Variants in PCDHGB5 observed in about 807,000 individuals in gnomAD.
The protein encoded by PCDHGB5 is protocadherin gamma-B5.
Under a neutral mutation model 62.9 loss-of-function variants are expected in PCDHGB5, and 48 were observed. The observed-to-expected ratio is 0.76, with a 90% CI of 0.61 to 0.97. The LOEUF is 0.97. PCDHGB5 is among the 50% of genes least tolerant of loss of function. The pLI is 0.00. For synonymous variants in PCDHGB5, 474 were observed against 511.2 expected (o/e 0.93, Z 0.98); for missense variants, 1,118 against 1,198.6 (o/e 0.93, Z 0.99).
At chr5:141,410,914 C>T (rs1399369063) in intron 1 of PCDHGB5, 4 of 246,122 alleles carry the variant, frequency 1.6e-5, no homozygotes, top group Admixed American at 6.8e-5. Context: ...AGTGCAGTGG[C>T]GTGATCTCTG....
intron 1 of PCDHGB5, among the ~76,000 whole-genome samples, chr5:141,456,857 G>A (rs957526443): frequency 6.6e-5 from 10 of 152,234 alleles, no homozygotes; most frequent in African/African-American, 2.4e-4. Context: ...CAGCTAATTG[G>A]GAGGCTGAGG....
intron 1 of PCDHGB5, chr5:141,418,283 ATCAG>A: frequency 1.9e-6 from 3 of 1,613,996 alleles, no homozygotes; most frequent in Non-Finnish European, 2.5e-6. Context: ...AAACTTAGAA[ATCAG>A]TGAATCCGTC....
At position 141,398,955 on chromosome 5, in the gene PCDHGB5, A is replaced by G; in HGVS notation, c.828A>G (p.Glu276=). The G allele has an allele frequency of 3.7e-6, 6 of 1,613,966 alleles. No individual in the cohort carries two copies. The highest frequency in any genetic ancestry group is 5.1e-6 in the Non-Finnish European group (6 of 1,179,896). Residue 276 remains glutamate, a synonymous_variant, in exon 1 of 4, where the codon GAA becomes GAG. Transcript: ENST00000617380. ...ATDQDEGINS[E]ITYSFYRTGQ... ...ACCAAGACGAGGGCATCAACTCAGA[A>G]ATTACTTATTCCTTCTACAGAACCG...
At chr5:141,414,679 G>A in intron 1 of PCDHGB5, 1 of 1,613,960 alleles carries the variant, frequency 6.2e-7, no homozygotes. Flanking sequence ...CACCATCCAG[G>A]GGGTACCTCT....
Position 141,422,522 on chromosome 5 carries a change from C to T in PCDHGB5, c.2397+21998C>T, listed in dbSNP as rs767482856. On this transcript the variant is annotated intron_variant, in intron 1 of 3. Coordinates refer to ENST00000617380, the MANE Select transcript of PCDHGB5 (RefSeq NM_018925.3). Reference sequence around the variant, plus strand: ...ACAGCCACAGACCAGGGAAGCCCGCCTTTGTCTGCAGAAACTCATGTCTGG... The same window carrying T: ...ACAGCCACAGACCAGGGAAGCCCGCTTTTGTCTGCAGAAACTCATGTCTGG... 11 of 1,614,014 alleles carry T rather than the reference C, an allele frequency of 6.8e-6. No homozygotes were observed. In the South Asian group the frequency reaches 1.1e-4, roughly 16 times the overall value.
At chr5:141,430,931 G>C (rs781580216) in intron 1 of PCDHGB5, 2 of 1,607,530 alleles carry the variant, frequency 1.2e-6, no homozygotes, top group Admixed American at 1.7e-5. Flanking sequence ...GGAGCCCCGG[G>C]AGCTCGCGGA....
rs1310227506 is a variant in PCDHGB5, at chr5:141,432,214, CCAGATCACTTATTCCCTGG to C, written c.2397+31692_2397+31710del. ...ACGACCCCGACTGTGAAGAGAACGC[CCAGATCACTTATTCCCTGG>C]CTGAGAACACCATCCAAGGGGCAAG... is the stretch of plus-strand genomic sequence containing the variant. On this transcript the variant is annotated intron_variant, in intron 1 of 3. Transcript: ENST00000617380. This position sits in a 1 kb window ranked among gnomAD's most constrained non-coding sequence, Gnocchi z 6.0. 3.1e-6 allele frequency: 5 copies of C among 1,614,236 alleles called. No homozygotes were observed. The highest frequency in any genetic ancestry group is 4.2e-6 in the Non-Finnish European group (5 of 1,180,050).
chr5:141,510,813 C>G, intron 3 of PCDHGB5, 134 bp from the exon 4 acceptor site: 2 of 1,537,024 alleles, frequency 1.3e-6, no homozygotes, highest in Non-Finnish European at 1.8e-6. Context: ...CTTGGTGACC[C>G]CTATATTCCC....
In PCDHGB5 at chr5:141,448,679, G is replaced by A. The variant is rs113043083; in HGVS notation, c.2398-46128G>A. On this transcript the variant is annotated intron_variant, in intron 1 of 3. Coordinates refer to ENST00000617380, the MANE Select transcript of PCDHGB5 (RefSeq NM_018925.3). Reference sequence around the variant, plus strand: ...ATATTGGCCGGGCGCGGTGGCTCACGCCTGTAATCGCAGCACTTTGGGAGG... The same window carrying A: ...ATATTGGCCGGGCGCGGTGGCTCACACCTGTAATCGCAGCACTTTGGGAGG... Among the ~76,000 whole-genome samples the A allele has an allele frequency of 8.3e-3, 1,260 of 152,126 alleles. 17 individuals are homozygous for A. Among genetic ancestry groups the A allele is most frequent in the African/African-American group, 0.029 (1,195 of 41,496 alleles).
In PCDHGB5 at chr5:141,419,975, G is replaced by A. The variant is rs372316838; in HGVS notation, c.2397+19451G>A. ...CTTGATTTCTGTGCTCTTTCTCCTC[G>A]CGGTGATTCTAGCTATTGCTCTACG... On this transcript the variant is annotated intron_variant, in intron 1 of 3. Coordinates refer to ENST00000617380, the MANE Select transcript of PCDHGB5 (RefSeq NM_018925.3). 273 of 1,613,928 alleles carry A rather than the reference G, an allele frequency of 1.7e-4. No homozygotes were observed. The highest frequency in any genetic ancestry group is 2.2e-4 in the Non-Finnish European group (261 of 1,179,916).
rs774898388 is a variant in PCDHGB5, at chr5:141,491,593, A to G, written c.2398-3214A>G. 6.8e-6 allele frequency: 11 copies of G among 1,613,918 alleles called. No individual in the cohort carries two copies. In the Admixed American group the frequency reaches 1.2e-4, roughly 17 times the overall value. Reference sequence around the variant, plus strand: ...GTGCTTTTCACCGGCCTCGGACGGCAGTGACTTCACTTTTCTAAGACCCCT... The same window carrying G: ...GTGCTTTTCACCGGCCTCGGACGGCGGTGACTTCACTTTTCTAAGACCCCT... On this transcript the variant is annotated intron_variant, in intron 1 of 3. Transcript: ENST00000617380. This position sits in a 1 kb window ranked among gnomAD's most constrained non-coding sequence, Gnocchi z 6.9.
chr5:141,481,260 A>C (rs2099534771), intron 1 of PCDHGB5, among the ~76,000 whole-genome samples: 1 of 152,166 alleles, frequency 6.6e-6, no homozygotes, highest in Non-Finnish European at 1.5e-5. Context: ...CTAAAAGATC[A>C]CTGTAGGAAG....
intron 1 of PCDHGB5, among the ~76,000 whole-genome samples, chr5:141,448,712 G>A (rs1439461223): frequency 1.3e-5 from 2 of 152,004 alleles, no homozygotes; most frequent in African/African-American, 2.4e-5. Flanking sequence ...AGGCCGAGGC[G>A]GGAGGATCAC....
chr5:141,456,550 C>T (rs1017343381), intron 1 of PCDHGB5, among the ~76,000 whole-genome samples: 2 of 152,166 alleles, frequency 1.3e-5, no homozygotes, highest in African/African-American at 4.8e-5. Context: ...TGTAGCCACT[C>T]GGGGCTGAAG....
chr5:141,431,092 G>A lies in PCDHGB5; in HGVS notation c.2397+30568G>A. On this transcript the variant is annotated intron_variant, in intron 1 of 3. Coordinates refer to ENST00000617380, the MANE Select transcript of PCDHGB5 (RefSeq NM_018925.3). This position sits in a 1 kb window ranked among gnomAD's most constrained non-coding sequence, Gnocchi z 4.8. ...AATTAAATCTAGACATTCTGATGGAGGATAAAGTGAAAATATATGGAGTAG... is the reference window on the plus strand; with the variant it reads ...AATTAAATCTAGACATTCTGATGGAAGATAAAGTGAAAATATATGGAGTAG... 1 of 1,614,252 alleles carries A rather than the reference G, an allele frequency of 6.2e-7. No individual in the cohort carries two copies. The highest frequency in any genetic ancestry group is 1.1e-5 in the South Asian group (1 of 91,090).
chr5:141,423,554 A>G (rs1383467583), intron 1 of PCDHGB5: 8 of 1,613,590 alleles, frequency 5.0e-6, no homozygotes, highest in East Asian at 4.5e-5. Flanking sequence ...CAGCCCAACT[A>G]TGGGGACACG....
chr5:141,432,615 T>G lies in PCDHGB5; in HGVS notation c.2397+32091T>G. ...GCCAGCGAGCCGGGACTCTTCTCGG[T>G]GGGTCTGCACACGGGCGAGGTGCGC... On this transcript the variant is annotated intron_variant, in intron 1 of 3. Coordinates refer to ENST00000617380, the MANE Select transcript of PCDHGB5 (RefSeq NM_018925.3). The surrounding 1 kb of genome is among the most constrained non-coding windows in gnomAD (Gnocchi z 6.0). The G allele has an allele frequency of 2.5e-6, 4 of 1,613,820 alleles. No homozygotes were observed. The highest frequency in any genetic ancestry group is 1.1e-5 in the South Asian group (1 of 91,054).
At chr5:141,403,058 C>A in intron 1 of PCDHGB5, 1 of 1,614,060 alleles carries the variant, frequency 6.2e-7, no homozygotes, top group Non-Finnish European at 8.5e-7. Context: ...CTACTCAGTG[C>A]CTGAAGAGAC....
chr5:141,478,941 A>G (rs889484528), intron 1 of PCDHGB5: 2 of 589,470 alleles, frequency 3.4e-6, no homozygotes, highest in Non-Finnish European at 5.6e-6. Context: ...TTCTAGGAAT[A>G]CAAAAACTAC....
Sources: gnomAD v4.1 joint callset for allele counts (sites outside exome capture counted in the v4.1 genomes callset) on GRCh38, gnomAD v4.1.1 for gene constraint, Gnocchi (gnomAD v3.1) non-coding constraint, MANE v1.5 for transcripts, NCBI Gene and HGNC (gene_info 2026-07-23, HGNC 2026-07-21) for gene names.